The following FHIT variants were observed in gnomAD, a reference collection of about 807,000 sequenced individuals.
FHIT encodes fragile histidine triad diadenosine triphosphatase.
A neutral mutation model predicts 17.9 loss-of-function variants in FHIT; 19 were observed. The observed-to-expected ratio is 1.06, with a 90% CI of 0.74 to 1.56. The LOEUF (loss-of-function observed/expected upper bound fraction) is 1.56. Among genes scored for constraint, FHIT ranks in the 40% most tolerant of loss-of-function variants. The pLI, the probability that FHIT is intolerant of heterozygous loss-of-function variation, is 0.00. For synonymous variants in FHIT, 81 were observed against 69.7 expected (o/e 1.16, Z -0.81); for missense variants, 248 against 189.2 (o/e 1.31, Z -1.82).
chr3:60,350,885 T>G (rs1376026135), intron 5 of FHIT, among the ~76,000 whole-genome samples: 1 of 152,210 alleles, frequency 6.6e-6, no homozygotes, highest in Non-Finnish European at 1.5e-5. Flanking sequence ...AAACTCCATC[T>G]TGCTAGCAAA....
chr3:60,898,457 G>C (rs1181142152), intron 3 of FHIT, among the ~76,000 whole-genome samples: 1 of 152,116 alleles, frequency 6.6e-6, no homozygotes. Flanking sequence ...AGCAGTGTAT[G>C]GTGGGTTCCC....
At chr3:59,769,763 C>T (rs1210624293) in intron 8 of FHIT, among the ~76,000 whole-genome samples, 3 of 145,972 alleles carry the variant, frequency 2.1e-5, no homozygotes, top group Non-Finnish European at 4.5e-5. Context: ...AAATGGCCAT[C>T]TGATAATTAC....
At chr3:60,171,008 A>C (rs1012585945) in intron 5 of FHIT, among the ~76,000 whole-genome samples, 2 of 152,178 alleles carry the variant, frequency 1.3e-5, no homozygotes, top group African/African-American at 4.8e-5. Flanking sequence ...TAGGAAAAAG[A>C]AAAGGCCCAA....
chr3:60,623,845 G>A (rs1269998753), intron 4 of FHIT, among the ~76,000 whole-genome samples: 1 of 152,182 alleles, frequency 6.6e-6, no homozygotes, highest in African/African-American at 2.4e-5. Flanking sequence ...GAAGAAGCCA[G>A]TTGGAGGGAA....
intron 2 of FHIT, among the ~76,000 whole-genome samples, chr3:61,043,830 G>A (rs1052294951): frequency 6.6e-6 from 1 of 152,204 alleles, no homozygotes; most frequent in African/African-American, 2.4e-5. Context: ...AATATTTGCT[G>A]TTCTGCAGCC....
intron 8 of FHIT, among the ~76,000 whole-genome samples, chr3:59,851,084 A>G (rs1175595779): frequency 1.3e-5 from 2 of 152,190 alleles, no homozygotes; most frequent in African/African-American, 4.8e-5. Context: ...TGATATTCTG[A>G]TCCAGGACTC....
intron 3 of FHIT, among the ~76,000 whole-genome samples, chr3:60,878,633 C>G (rs13088635): frequency 6.6e-6 from 1 of 151,900 alleles, no homozygotes; most frequent in Admixed American, 6.5e-5. Flanking sequence ...AATGCTATCC[C>G]TCCCCCTGCC....
intron 2 of FHIT, among the ~76,000 whole-genome samples, chr3:61,139,955 C>G (rs1171815802): frequency 6.6e-6 from 1 of 150,836 alleles, no homozygotes; most frequent in East Asian, 2.0e-4. Context: ...CAAAGACAAC[C>G]TAAGTATTTA....
chr3:59,894,949 G>C (rs1323730074), intron 8 of FHIT, among the ~76,000 whole-genome samples: 1 of 152,232 alleles, frequency 6.6e-6, no homozygotes, highest in African/African-American at 2.4e-5. Context: ...GATGAGAACA[G>C]ACTTCAGAAC....
At chr3:60,419,622 C>T (rs1223768739) in intron 5 of FHIT, among the ~76,000 whole-genome samples, 4 of 152,146 alleles carry the variant, frequency 2.6e-5, no homozygotes, top group Non-Finnish European at 5.9e-5. Context: ...TTTCCATTAG[C>T]ACATGTGTGG....
intron 3 of FHIT, among the ~76,000 whole-genome samples, chr3:61,024,115 A>G (rs2032605940): frequency 6.6e-6 from 1 of 152,140 alleles, no homozygotes; most frequent in African/African-American, 2.4e-5. Flanking sequence ...TGCAAGCAGA[A>G]GAGCTTCTGC....
chr3:60,696,512 TA>T (rs1302314549), intron 4 of FHIT, among the ~76,000 whole-genome samples: 5 of 152,174 alleles, frequency 3.3e-5, no homozygotes, highest in Non-Finnish European at 4.4e-5. Context: ...AATTGCTTTT[TA>T]TTACTTTTGC....
At chr3:59,989,908 T>A (rs1709152802) in intron 7 of FHIT, among the ~76,000 whole-genome samples, 1 of 152,072 alleles carries the variant, frequency 6.6e-6, no homozygotes, top group South Asian at 2.1e-4. Flanking sequence ...TCCTCCCCAC[T>A]CTTCCTCCAC....
chr3:60,765,607 T>C (rs996398976), intron 4 of FHIT: 3 of 152,214 alleles, frequency 2.0e-5, no homozygotes, highest in Non-Finnish European at 2.9e-5. Flanking sequence ...GGAAGTTCTT[T>C]ACAGGTTTAC....
Position 60,223,261 on chromosome 3 carries a change from A to C in FHIT, c.104-209109T>G, listed in dbSNP as rs115503197. On this transcript the variant is annotated intron_variant, in intron 5 of 9. Transcript: ENST00000492590. The stretch of plus-strand genomic sequence containing the variant: ...ACAATACCCCTTTGAGGAGGTATTC[A>C]TATAATGTATTTTGCAGGGGAGGAC... 6.2e-3 allele frequency among the ~76,000 whole-genome samples: 937 copies of C among 152,208 alleles called. 8 individuals carry two copies. The highest frequency in any genetic ancestry group is 0.021 in the African/African-American group (860 of 41,520).
intron 5 of FHIT, among the ~76,000 whole-genome samples, chr3:60,106,492 G>C (rs908474457): frequency 6.6e-6 from 1 of 152,168 alleles, no homozygotes; most frequent in Non-Finnish European, 1.5e-5. Context: ...ATCTGTGAAA[G>C]GAAGACATGA....
At chr3:60,434,256 G>C (rs774448080) in intron 5 of FHIT, among the ~76,000 whole-genome samples, 5 of 151,950 alleles carry the variant, frequency 3.3e-5, no homozygotes, top group Non-Finnish European at 5.9e-5. Flanking sequence ...TCAGCATTTA[G>C]AAAATAAATA....
intron 8 of FHIT, among the ~76,000 whole-genome samples, chr3:59,831,214 T>A (rs1047681542): frequency 9.2e-5 from 14 of 152,136 alleles, no homozygotes; most frequent in Admixed American, 2.0e-4. Context: ...ATTACTGATA[T>A]GAAGTATTAG....
intron 4 of FHIT, among the ~76,000 whole-genome samples, chr3:60,569,755 A>ATATATATATATATATATATTTTTT: frequency 2.6e-5 from 2 of 77,344 alleles, no homozygotes; most frequent in African/African-American, 4.8e-5. Flanking sequence ...ATATATATAT[A>ATATATATATATATATATATTTTTT]TTTTTTTTTT....
Sources: allele counts gnomAD v4.1 joint callset (sites outside exome capture counted in the v4.1 genomes callset), GRCh38; gene constraint gnomAD v4.1.1; transcripts MANE v1.5; gene names NCBI Gene and HGNC (gene_info 2026-07-23, HGNC 2026-07-21).